AKAP13: variants seen among roughly 807,000 people sequenced by gnomAD.
AKAP13 encodes the protein A-kinase anchoring protein 13.
AKAP13 carries 80 observed loss-of-function variants against 264.5 expected under a neutral mutation model. The ratio of observed to expected loss-of-function variants is 0.30; its 90% CI spans 0.25 to 0.36. The LOEUF is 0.36. Ranked by LOEUF, AKAP13 falls within the 10% of genes least tolerant of loss-of-function variation. AKAP13 has a pLI of 1.00. For synonymous variants in AKAP13, 1,380 were observed against 1,250.2 expected, an observed-to-expected ratio of 1.10 and a Z score of -2.19; for missense variants, 3,712 against 3,435.2, an observed-to-expected ratio of 1.08 and a Z score of -2.01.
chr15:85,593,330 C>CA lies in AKAP13; in HGVS notation c.4161+7514dup, dbSNP rs1026577711. Among the ~76,000 whole-genome samples the CA allele has an allele frequency of 5.9e-5, 9 of 151,856 alleles. No homozygotes were observed. The East Asian group carries it at 9.7e-4, about 16-fold the overall frequency. On this transcript the variant is annotated intron_variant, in intron 8 of 36. Coordinates refer to ENST00000394518, the MANE Select transcript of AKAP13 (RefSeq NM_007200.5). ...CTATCTCAAAACAAAAACAAAAAAA[C>CA]AAAAAAACAGAAAACCAAAAACAAA...
intron 4 of AKAP13, chr15:85,535,667 T>C (rs1314228175): frequency 6.6e-6 from 1 of 152,308 alleles, no homozygotes; most frequent in Non-Finnish European, 1.5e-5. Flanking sequence ...CTTATGGTGT[T>C]TTATGGTTTT....
At chr15:85,622,256 G>C (rs2081227082) in intron 8 of AKAP13, among the ~76,000 whole-genome samples, 1 of 152,218 alleles carries the variant, frequency 6.6e-6, no homozygotes, top group Non-Finnish European at 1.5e-5. Context: ...AACTATTTCA[G>C]ATAGAATGGT....
At position 85,727,591 on chromosome 15, in the gene AKAP13, G is replaced by C; in HGVS notation, c.7087+128G>C. On this transcript the variant is annotated intron_variant, in intron 29 of 36. Transcript: ENST00000394518. The surrounding 1 kb of genome is among the most constrained non-coding windows in gnomAD (Gnocchi z 5.3). ...CTGCCCCAGCAGGCACTTGAAAGCA[G>C]CAAAATGAATAGCTGTTAACAAAAG... 1.1e-6 allele frequency: 1 copy of C among 940,108 alleles called. No homozygotes were observed. Among genetic ancestry groups the C allele is most frequent in the South Asian group, 1.6e-5 (1 of 61,718 alleles). The allele number at this position is 940,108 out of a possible 1,614,324, so 58.2% of individuals were successfully genotyped here.
At chr15:85,614,448 T>C (rs932757189) in intron 8 of AKAP13, among the ~76,000 whole-genome samples, 1 of 152,240 alleles carries the variant, frequency 6.6e-6, no homozygotes, top group African/African-American at 2.4e-5. Context: ...AGAGAAACTT[T>C]TAAAAAGTGG....
At position 85,746,545 on chromosome 15, in the gene AKAP13, C is replaced by T. The variant is rs541273617; in HGVS notation, c.*1868C>T. Reference sequence around the variant, plus strand: ...GAATGAAGAAACTCGCCACCTCTGACCTACCTTTGCCTTTTTCTGTCATGG... The same window carrying T: ...GAATGAAGAAACTCGCCACCTCTGATCTACCTTTGCCTTTTTCTGTCATGG... On this transcript the variant is annotated 3_prime_UTR_variant, in exon 37 of 37. Coordinates refer to ENST00000394518, the MANE Select transcript of AKAP13 (RefSeq NM_007200.5). 1.3e-5 allele frequency: 2 copies of T among 152,156 alleles called. No individual in the cohort carries two copies. Among genetic ancestry groups the T allele is most frequent in the South Asian group, 2.1e-4 (1 of 4,816 alleles). The allele number at this position is 152,156 out of a possible 1,614,324, so 9.4% of individuals were successfully genotyped here.
chr15:85,746,660 A>AAAGTT lies in AKAP13; in HGVS notation c.*1989_*1993dup, dbSNP rs1256953658. On this transcript the variant is annotated 3_prime_UTR_variant, in exon 37 of 37. Transcript: ENST00000394518. ...GTCCCCTTGCAAAGACCCTAAACAAAAAGTTAAGTTTCTTTCTTTCACCTA... is the reference window on the plus strand; with the variant it reads ...GTCCCCTTGCAAAGACCCTAAACAAAAAGTTAAGTTAAGTTTCTTTCTTTCACCTA... 2.6e-5 allele frequency: 4 copies of AAAGTT among 151,924 alleles called. No homozygotes were observed. The East Asian group carries it at 5.8e-4, about 22-fold the overall frequency. The allele number at this position is 151,924 out of a possible 1,614,324, so 9.4% of individuals were successfully genotyped here. A position where few individuals can be genotyped will look rare whatever the true frequency, so the allele number is the denominator to read the frequency against.
chr15:85,687,798 T>C (rs1240150961), intron 16 of AKAP13, among the ~76,000 whole-genome samples: 3 of 152,100 alleles, frequency 2.0e-5, no homozygotes, highest in Non-Finnish European at 2.9e-5. Context: ...CTCAGTACTT[T>C]GAGGCTGAGA....
chr15:85,640,680 G>A (rs896096899), intron 9 of AKAP13, among the ~76,000 whole-genome samples: 5 of 152,056 alleles, frequency 3.3e-5, no homozygotes, highest in African/African-American at 7.2e-5. Flanking sequence ...CTACTTAAAC[G>A]TGTACCACTT....
chr15:85,686,318 C>T (rs1475592889), intron 16 of AKAP13, among the ~76,000 whole-genome samples: 10 of 152,172 alleles, frequency 6.6e-5, no homozygotes, highest in Admixed American at 4.6e-4. Context: ...GGCATTGCCT[C>T]CTCCCTCACA....
At chr15:85,413,080 G>T (rs147007814) in intron 1 of AKAP13, among the ~76,000 whole-genome samples, 2 of 152,344 alleles carry the variant, frequency 1.3e-5, no homozygotes, top group Non-Finnish European at 2.9e-5. Context: ...CTGCCTCACA[G>T]AAAAGTTTGT....
intron 8 of AKAP13, among the ~76,000 whole-genome samples, chr15:85,635,380 C>T (rs1404551300): frequency 6.6e-6 from 1 of 151,964 alleles, no homozygotes; most frequent in African/African-American, 2.4e-5. Context: ...AATGTTTATT[C>T]AAATCTTTTA....
chr15:85,483,990 AAG>A (rs1393462161), intron 1 of AKAP13, among the ~76,000 whole-genome samples: 1 of 152,278 alleles, frequency 6.6e-6, no homozygotes, highest in East Asian at 1.9e-4. Flanking sequence ...GTGGCTTAAC[AAG>A]GTGTTAATTC....
At chr15:85,476,522 T>C (rs1404803625) in intron 1 of AKAP13, among the ~76,000 whole-genome samples, 2 of 152,228 alleles carry the variant, frequency 1.3e-5, no homozygotes, top group Non-Finnish European at 1.5e-5. Context: ...TATTTTCTTA[T>C]TGCCTACCAC....
intron 12 of AKAP13, among the ~76,000 whole-genome samples, chr15:85,662,079 C>G (rs191314222): frequency 2.6e-4 from 39 of 152,260 alleles, no homozygotes; most frequent in Admixed American, 4.6e-4. Context: ...GTCTGAAGAG[C>G]AAGCCATAGG....
In AKAP13 at chr15:85,553,227, C is replaced by CTCAGCAT. The variant is rs1596506709; in HGVS notation, c.662+9272_662+9273insTCAGCAT. Among the ~76,000 whole-genome samples the CTCAGCAT allele has an allele frequency of 4.6e-5, 7 of 151,990 alleles. No individual in the cohort carries two copies. In the South Asian group the frequency reaches 1.5e-3, roughly 32 times the overall value. On this transcript the variant is annotated intron_variant, in intron 5 of 36. Transcript: ENST00000394518. ...TTGGCCTCCTGAGTAGCTGGGATTA[C>CTCAGCAT]GGGCACTCGCCACCATGCCCAGCCA...
Position 85,741,426 on chromosome 15 carries a change from G to C in AKAP13, c.7989G>C (p.Arg2663Ser). The C allele has an allele frequency of 6.2e-7, 1 of 1,611,986 alleles. No individual in the cohort carries two copies. Among genetic ancestry groups the C allele is most frequent in the Non-Finnish European group, 8.5e-7 (1 of 1,178,386 alleles). The change falls in exon 35 of 37, where the codon AGG becomes AGC. Residue 2663 changes from arginine (R) to serine (S), a missense_variant. By Grantham distance (110) the Arg-to-Ser change is moderately radical. Transcript: ENST00000394518. The stretch of plus-strand genomic sequence containing the variant: ...GTGCTGCCCAGAAACAGCTTGAGAG[G>C]GAACAGGAGCAGCTGCGCCGGGAGG... Reference protein sequence around the residue: ...RLRAAQKQLEREQEQLRREAE... With the variant: ...RLRAAQKQLESEQEQLRREAE...
chr15:85,613,691 A>AAAATATATATATATATATAT (rs1313187436), intron 8 of AKAP13, among the ~76,000 whole-genome samples: 1 of 91,966 alleles, frequency 1.1e-5, no homozygotes, highest in African/African-American at 4.6e-5. Context: ...AAAAAAAAAA[A>AAAATATATATATATATATAT]ATATATATAT....
chr15:85,463,462 C>T (rs1028060231), intron 1 of AKAP13, among the ~76,000 whole-genome samples: 3 of 152,114 alleles, frequency 2.0e-5, no homozygotes, highest in South Asian at 2.1e-4. Context: ...CTTTCTGGGT[C>T]TTACAGATCC....
chr15:85,389,231 T>G (rs2070736295), intron 1 of AKAP13, among the ~76,000 whole-genome samples: 1 of 152,190 alleles, frequency 6.6e-6, no homozygotes, highest in African/African-American at 2.4e-5. Context: ...AGCTCCCTCC[T>G]CTTCTCTCGT....
Sources: gnomAD v4.1 joint callset for allele counts (sites outside exome capture counted in the v4.1 genomes callset) on GRCh38, gnomAD v4.1.1 for gene constraint, Gnocchi (gnomAD v3.1) non-coding constraint, MANE v1.5 for transcripts, NCBI Gene and HGNC (gene_info 2026-07-23, HGNC 2026-07-21) for gene names.